The following FSIP1 variants were observed in gnomAD, a reference collection of about 807,000 sequenced individuals.
FSIP1 encodes fibrous sheath-interacting protein 1.
A neutral mutation model predicts 60.9 loss-of-function variants in FSIP1; 65 were observed. The observed-to-expected ratio is 1.07, with a 90% confidence interval of 0.87 to 1.31. The LOEUF (loss-of-function observed/expected upper bound fraction) is 1.31, where lower values mean the gene tolerates loss of function less well. Ranked by LOEUF, FSIP1 falls within the 40% of genes most tolerant of loss-of-function variation. The pLI is 0.00. For synonymous variants in FSIP1, 209 were observed against 221.2 expected (o/e 0.94, Z 0.49); for missense variants, 675 against 665.5 (o/e 1.01, Z -0.16).
At chr15:39,676,030 G>A (rs915717210) in intron 10 of FSIP1, among the ~76,000 whole-genome samples, 12 of 151,392 alleles carry the variant, frequency 7.9e-5, no homozygotes, top group South Asian at 2.1e-4. Flanking sequence ...AAAAATAGCC[G>A]TGCGTGGCAG....
chr15:39,656,674 C>A (rs1174259561), intron 10 of FSIP1, among the ~76,000 whole-genome samples: 1 of 152,226 alleles, frequency 6.6e-6, no homozygotes, highest in Non-Finnish European at 1.5e-5. Context: ...CTCTGTTACC[C>A]ATGAGTTCTC....
chr15:39,623,055 AC>A (rs1201087723), intron 10 of FSIP1, among the ~76,000 whole-genome samples: 1 of 151,410 alleles, frequency 6.6e-6, no homozygotes, highest in East Asian at 1.9e-4. Flanking sequence ...TTCCCAGGAT[AC>A]CCACTGTTTA....
intron 10 of FSIP1, among the ~76,000 whole-genome samples, chr15:39,684,271 C>T (rs1003894510): frequency 4.6e-5 from 7 of 152,054 alleles, no homozygotes; most frequent in African/African-American, 1.7e-4. Context: ...TCATCATAAA[C>T]AATTTTTAAA....
intron 2 of FSIP1, among the ~76,000 whole-genome samples, chr15:39,775,372 A>C (rs1733008426): frequency 6.6e-6 from 1 of 152,142 alleles, no homozygotes; most frequent in African/African-American, 2.4e-5. Context: ...GAATTCATTA[A>C]CTTGCCAAAA....
chr15:39,675,322 A>C (rs773664767), intron 10 of FSIP1, among the ~76,000 whole-genome samples: 16 of 152,176 alleles, frequency 1.1e-4, no homozygotes, highest in South Asian at 2.1e-4. Context: ...CCTCTGTGCC[A>C]TTCCTCTGTG....
At position 39,645,612 on chromosome 15, in the gene FSIP1, G is replaced by A. The variant is rs552257451; in HGVS notation, c.1189-27367C>T. ...CCCAGTTGGGAAGCAGGCAGGAGCC[G>A]GGGACAAGCGGGAGCCCTGCCTCTT... is the stretch of plus-strand genomic sequence containing the variant. On this transcript the variant is annotated intron_variant, in intron 10 of 11. Coordinates refer to ENST00000350221, the MANE Select transcript of FSIP1 (RefSeq NM_152597.5). Among the ~76,000 whole-genome samples the A allele has an allele frequency of 2.5e-4, 38 of 151,524 alleles. No individual in the cohort carries two copies. The South Asian group carries it at 3.6e-3, about 14-fold the overall frequency.
chr15:39,763,039 TAA>T (rs1897557983), intron 5 of FSIP1, among the ~76,000 whole-genome samples: 1 of 152,188 alleles, frequency 6.6e-6, no homozygotes, highest in Non-Finnish European at 1.5e-5. Flanking sequence ...TCTCAAAAGA[TAA>T]AGAGTAAACT....
rs148248289 is a variant in FSIP1 at position 39,654,264 on chromosome 15, T to C, written c.1189-36019A>G. ...TATTATCACTGTCAAGTACATACTA[T>C]GCATAATTGTATGTGCCATACTTTT... On this transcript the variant is annotated intron_variant, in intron 10 of 11. Transcript: ENST00000350221. 2.9e-3 allele frequency among the ~76,000 whole-genome samples: 447 copies of C among 152,374 alleles called. 1 individual carries two copies. The highest frequency in any genetic ancestry group is 0.01 in the African/African-American group (423 of 41,588).
At chr15:39,644,304 T>A (rs760134703) in intron 10 of FSIP1, among the ~76,000 whole-genome samples, 4 of 152,182 alleles carry the variant, frequency 2.6e-5, no homozygotes, top group Non-Finnish European at 5.9e-5. Flanking sequence ...GCCATGTCCG[T>A]ATCAATTAGG....
intron 8 of FSIP1, among the ~76,000 whole-genome samples, chr15:39,727,036 C>T (rs922259822): frequency 9.9e-5 from 15 of 152,284 alleles, no homozygotes; most frequent in Admixed American, 9.1e-4. Context: ...TCATGACATT[C>T]TCATTTATCT....
chr15:39,657,566 G>A (rs1211368461), intron 10 of FSIP1, among the ~76,000 whole-genome samples: 2 of 152,064 alleles, frequency 1.3e-5, no homozygotes. Flanking sequence ...CATTTTTGAG[G>A]AGGCTTAAAT....
intron 8 of FSIP1, among the ~76,000 whole-genome samples, chr15:39,732,814 T>G (rs1212638475): frequency 6.6e-6 from 1 of 152,102 alleles, no homozygotes; most frequent in Non-Finnish European, 1.5e-5. Flanking sequence ...CACAGAGATT[T>G]AAAAGAACAC....
At chr15:39,742,533 G>GTTTTAT (rs1446682882) in intron 5 of FSIP1, among the ~76,000 whole-genome samples, 3 of 152,106 alleles carry the variant, frequency 2.0e-5, no homozygotes, top group Non-Finnish European at 4.4e-5. Context: ...TAACATAAAC[G>GTTTTAT]TTTTATTAAA....
chr15:39,649,586 G>A (rs1892780865), intron 10 of FSIP1, among the ~76,000 whole-genome samples: 2 of 152,162 alleles, frequency 1.3e-5, no homozygotes, highest in Admixed American at 1.3e-4. Context: ...CCAGACAGAG[G>A]TTAGCATCAT....
chr15:39,667,462 A>C (rs933003619), intron 10 of FSIP1, among the ~76,000 whole-genome samples: 8 of 152,212 alleles, frequency 5.3e-5, no homozygotes, highest in Admixed American at 3.3e-4. Flanking sequence ...GCTTATCAGA[A>C]GAGGATTGTG....
chr15:39,618,096 C>A lies in FSIP1; in HGVS notation c.1338G>T (p.Arg446Ser). 1 of 1,614,108 alleles carries A rather than the reference C, an allele frequency of 6.2e-7. No individual in the cohort carries two copies. The highest frequency in any genetic ancestry group is 8.5e-7 in the Non-Finnish European group (1 of 1,180,022). The change falls in exon 11 of 12, where the codon AGG (arginine) becomes AGT (serine). Residue 446 changes from arginine (R) to serine (S), a missense_variant. By Grantham distance (110) the Arg-to-Ser change is moderately radical (BLOSUM62 -1). Coordinates refer to ENST00000350221, the MANE Select transcript of FSIP1 (RefSeq NM_152597.5). ...CATTTAGCAATTTAGAGATGATGGA[C>A]CTGGAAAGCTGGGGGAACACAGGTG... ...DVTPVFPQLS[R>S]SIISKLLNES...
chr15:39,691,679 C>CT (rs948973452), intron 10 of FSIP1, among the ~76,000 whole-genome samples: 7 of 152,152 alleles, frequency 4.6e-5, no homozygotes, highest in Non-Finnish European at 8.8e-5. Context: ...GATGGGTACA[C>CT]TTTTTTTCAT....
At chr15:39,610,653 A>G (rs1283339670) in intron 11 of FSIP1, among the ~76,000 whole-genome samples, 1 of 152,192 alleles carries the variant, frequency 6.6e-6, no homozygotes, top group East Asian at 1.9e-4. Flanking sequence ...GTGACAGAGC[A>G]AGACTCTGCC....
intron 2 of FSIP1, 42 bp downstream of exon 2, chr15:39,776,357 G>A: frequency 6.3e-7 from 1 of 1,592,268 alleles, no homozygotes; most frequent in Non-Finnish European, 8.6e-7. Context: ...ACTGCTGAGA[G>A]GTTGGGGAAA....
Sources: allele counts gnomAD v4.1 joint callset (sites outside exome capture counted in the v4.1 genomes callset), GRCh38; gene constraint gnomAD v4.1.1; transcripts MANE v1.5; gene names NCBI Gene and HGNC (gene_info 2026-07-23, HGNC 2026-07-21).